TSHR: variants seen among roughly 807,000 people sequenced by gnomAD.
TSHR encodes the protein thyroid stimulating hormone receptor, also known as thyrotropin receptor.
In TSHR, 51 loss-of-function variants were observed where a neutral mutation model predicts 64.1. That is an observed-to-expected ratio of 0.80 (90% CI 0.64 to 1.01). TSHR has a LOEUF of 1.01. Among genes scored for constraint, TSHR ranks in the 50% least tolerant of loss-of-function variants. The probability of loss-of-function intolerance (pLI) is 0.00; values close to 1 mark genes in which losing one functional copy is unlikely to be tolerated. For synonymous variants in TSHR, 361 were observed against 361.9 expected (o/e 1.00, Z 0.03); for missense variants, 877 against 942.8 (o/e 0.93, Z 0.91).
chr14:81,060,114 A>G (rs1886124931), intron 1 of TSHR, among the ~76,000 whole-genome samples: 1 of 152,154 alleles, frequency 6.6e-6, no homozygotes, highest in African/African-American at 2.4e-5. Context: ...AACATGGGCT[A>G]AACTCAAAAA....
chr14:81,141,464 T>C (rs1258684321), intron 9 of TSHR, among the ~76,000 whole-genome samples: 3 of 152,248 alleles, frequency 2.0e-5, no homozygotes, highest in Non-Finnish European at 4.4e-5. Context: ...CTAAATCTTA[T>C]TTCCACAAGC....
At chr14:81,024,106 A>G (rs532081340) in intron 1 of TSHR, among the ~76,000 whole-genome samples, 2 of 152,246 alleles carry the variant, frequency 1.3e-5, no homozygotes, top group African/African-American at 4.8e-5. Context: ...AAAACCAAAC[A>G]TCTTTCTAAA....
intron 1 of TSHR, chr14:80,994,142 C>A (rs1001758814): frequency 1.3e-5 from 2 of 152,026 alleles, no homozygotes; most frequent in Non-Finnish European, 2.9e-5. Flanking sequence ...TATAGTTTCT[C>A]TTCCTTATGA....
At chr14:80,990,300 G>T (rs532186345) in intron 1 of TSHR, among the ~76,000 whole-genome samples, 1 of 152,362 alleles carries the variant, frequency 6.6e-6, no homozygotes, top group Non-Finnish European at 1.5e-5. Context: ...GGTATCTGTG[G>T]CCAGGCTGTA....
rs768728005 is a variant in TSHR at position 81,143,845 on chromosome 14, T to C, written c.1787T>C (p.Ile596Thr). The change falls in exon 10 of 10, where the codon ATC becomes ACC. Residue 596 changes from isoleucine (I) to threonine (T), a missense_variant. Transcript: ENST00000298171. The part of the protein sequence containing the change: ...VLTLNIVAFV[I>T]VCCCYVKIYI... ...ACGCTCAACATAGTTGCCTTCGTCA[T>C]CGTCTGCTGCTGTTATGTGAAGATC... 7.4e-6 allele frequency: 12 copies of C among 1,613,928 alleles called. No homozygotes were observed. Among genetic ancestry groups the C allele is most frequent in the Non-Finnish European group, 1.0e-5 (12 of 1,180,026 alleles).
chr14:81,055,055 G>A (rs28750397), intron 1 of TSHR, among the ~76,000 whole-genome samples: 7 of 151,904 alleles, frequency 4.6e-5, no homozygotes, highest in African/African-American at 1.7e-4. Context: ...AAAATGGCAT[G>A]GTGGGCTGGG....
intron 1 of TSHR, among the ~76,000 whole-genome samples, chr14:80,989,496 A>T (rs1888624312): frequency 6.6e-6 from 1 of 152,100 alleles, no homozygotes; most frequent in South Asian, 2.1e-4. Flanking sequence ...AAACTGAACT[A>T]TTCACAGCTC....
chr14:81,003,227 C>A (rs566041030), intron 1 of TSHR: 1 of 152,166 alleles, frequency 6.6e-6, no homozygotes. Flanking sequence ...GTGACTCGCT[C>A]ATTAAAGGTT....
At chr14:80,999,497 A>G (rs1167015190) in intron 1 of TSHR, among the ~76,000 whole-genome samples, 2 of 152,164 alleles carry the variant, frequency 1.3e-5, no homozygotes, top group East Asian at 3.9e-4. Flanking sequence ...TGTGTTATCT[A>G]ACAGATTTGC....
chr14:81,072,213 G>A (rs1461613683), intron 3 of TSHR, among the ~76,000 whole-genome samples: 1 of 152,166 alleles, frequency 6.6e-6, no homozygotes, highest in Non-Finnish European at 1.5e-5. Context: ...ATGTGTTGAG[G>A]ACAGTTATTA....
intron 1 of TSHR, among the ~76,000 whole-genome samples, chr14:81,037,389 T>C (rs936672135): frequency 7.8e-6 from 1 of 128,268 alleles, no homozygotes; most frequent in African/African-American, 3.0e-5. Context: ...AGGTAAACTA[T>C]AAGAGAGGGA....
rs572984569 is a variant in TSHR at position 80,987,471 on chromosome 14, T to C, written c.170+31621T>C. Among the ~76,000 whole-genome samples, 17 of 152,356 alleles carry C rather than the reference T, an allele frequency of 1.1e-4. 1 individual carries two copies. The South Asian group carries it at 3.5e-3, about 32-fold the overall frequency. ...TTAAGCATTAATTATGTTTTAGGCT[T>C]GATTCAAGTCTTATGCTGCATCCCA... On this transcript the variant is annotated intron_variant, in intron 1 of 9. Coordinates refer to ENST00000298171, the MANE Select transcript of TSHR (RefSeq NM_000369.5).
intron 8 of TSHR, among the ~76,000 whole-genome samples, chr14:81,114,102 A>T (rs1405713920): frequency 6.6e-6 from 1 of 151,164 alleles, no homozygotes. Context: ...AGATGAGAGT[A>T]CTGAGGAAGC....
intron 3 of TSHR, among the ~76,000 whole-genome samples, chr14:81,082,882 G>A (rs1002354701): frequency 2.0e-5 from 3 of 152,042 alleles, no homozygotes; most frequent in Non-Finnish European, 4.4e-5. Flanking sequence ...GGCTTGGCAT[G>A]CTTCTCACTC....
intron 1 of TSHR, among the ~76,000 whole-genome samples, chr14:81,044,026 G>A (rs549708727): frequency 6.6e-6 from 1 of 152,194 alleles, no homozygotes; most frequent in East Asian, 1.9e-4. Flanking sequence ...ATATGCACAG[G>A]CAAAGATTTC....
chr14:81,070,144 G>A (rs1424788684), intron 3 of TSHR, among the ~76,000 whole-genome samples: 1 of 152,036 alleles, frequency 6.6e-6, no homozygotes, highest in African/African-American at 2.4e-5. Flanking sequence ...GCATACCTAT[G>A]ACTAGATCCC....
chr14:81,061,134 A>G (rs1886206387), intron 1 of TSHR, among the ~76,000 whole-genome samples: 1 of 152,192 alleles, frequency 6.6e-6, no homozygotes, highest in African/African-American at 2.4e-5. Context: ...GATAAGATCA[A>G]GATATGATCG....
intron 6 of TSHR, 73 bp from the exon 7 acceptor site, chr14:81,096,566 G>A (rs1889205310): frequency 6.8e-7 from 1 of 1,462,450 alleles, no homozygotes; most frequent in Non-Finnish European, 9.6e-7. Flanking sequence ...AAGAAATATA[G>A]TCCAACTCTC....
chr14:81,137,997 A>G (rs894711282), intron 8 of TSHR, among the ~76,000 whole-genome samples: 1 of 152,138 alleles, frequency 6.6e-6, no homozygotes, highest in African/African-American at 2.4e-5. Context: ...AAAGAGAAAG[A>G]CATGCCTCAA....
Sources: allele counts gnomAD v4.1 joint callset (sites outside exome capture counted in the v4.1 genomes callset), GRCh38; gene constraint gnomAD v4.1.1; transcripts MANE v1.5; gene names NCBI Gene and HGNC (gene_info 2026-07-23, HGNC 2026-07-21).